The following CDK14 variants were observed in gnomAD, a reference collection of about 807,000 sequenced individuals.
CDK14 encodes cyclin dependent kinase 14.
In CDK14, 34 loss-of-function variants were observed where a neutral mutation model predicts 60.7. The ratio of observed to expected loss-of-function variants is 0.56; its 90% CI spans 0.43 to 0.75. The LOEUF (loss-of-function observed/expected upper bound fraction) is 0.75, where lower values mean the gene tolerates loss of function less well. CDK14 is among the 30% of genes least tolerant of loss of function. The probability of loss-of-function intolerance (pLI) is 0.00; values close to 1 mark genes in which losing one functional copy is unlikely to be tolerated. For synonymous variants in CDK14, 197 were observed against 203.7 expected, an observed-to-expected ratio of 0.97 and a Z score of 0.28; for missense variants, 482 against 564.1, an observed-to-expected ratio of 0.85 and a Z score of 1.47.
chr7:90,840,215 T>G (rs1350406094), intron 5 of CDK14, among the ~76,000 whole-genome samples: 2 of 152,210 alleles, frequency 1.3e-5, no homozygotes, highest in Non-Finnish European at 2.9e-5. Context: ...AAAGCCCTGT[T>G]TAATTTTAAA....
At chr7:90,788,626 G>A (rs17163207) in intron 4 of CDK14, among the ~76,000 whole-genome samples, 23,591 of 152,108 alleles carry the variant, frequency 0.16, 1,943 homozygotes, top group Middle Eastern at 0.25. Flanking sequence ...ATGTATTTCC[G>A]CAATCAGTTC....
chr7:90,685,455 T>G (rs1801412070), intron 2 of CDK14, among the ~76,000 whole-genome samples: 1 of 152,030 alleles, frequency 6.6e-6, no homozygotes, highest in African/African-American at 2.4e-5. Context: ...AGATTTTGAT[T>G]AGCCTGGCAT....
intron 8 of CDK14, among the ~76,000 whole-genome samples, chr7:90,948,352 A>G (rs2117537609): frequency 6.6e-6 from 1 of 152,370 alleles, no homozygotes; most frequent in Admixed American, 6.5e-5. Context: ...ATGATTTTGC[A>G]TTCTCTGCTA....
intron 8 of CDK14, among the ~76,000 whole-genome samples, chr7:90,921,399 TTCTAG>T (rs1208729527): frequency 6.6e-6 from 1 of 152,202 alleles, no homozygotes; most frequent in East Asian, 1.9e-4. Context: ...CATTATTATC[TTCTAG>T]TCTAATTTCT....
At chr7:90,703,906 C>T (rs912645615) in intron 2 of CDK14, among the ~76,000 whole-genome samples, 2 of 152,090 alleles carry the variant, frequency 1.3e-5, no homozygotes, top group African/African-American at 4.8e-5. Flanking sequence ...GGCAACATGG[C>T]AAAATCCTGT....
chr7:91,206,356 A>C (rs972588135), intron 14 of CDK14, among the ~76,000 whole-genome samples: 1 of 152,212 alleles, frequency 6.6e-6, no homozygotes, highest in Non-Finnish European at 1.5e-5. Flanking sequence ...AGTGACCAGC[A>C]GCTTCTAAAC....
chr7:91,024,058 C>A (rs1796502930), intron 10 of CDK14, among the ~76,000 whole-genome samples: 1 of 151,796 alleles, frequency 6.6e-6, no homozygotes, highest in Non-Finnish European at 1.5e-5. Flanking sequence ...CAGGCATGAG[C>A]CATCATACCC....
chr7:91,002,679 AG>A (rs1795874472), intron 10 of CDK14, among the ~76,000 whole-genome samples: 1 of 152,194 alleles, frequency 6.6e-6, no homozygotes, highest in African/African-American at 2.4e-5. Context: ...CCAAGGAGAA[AG>A]ATAGGAGGCA....
chr7:90,987,890 A>G (rs1367554776), intron 10 of CDK14, among the ~76,000 whole-genome samples: 1 of 152,280 alleles, frequency 6.6e-6, no homozygotes, highest in East Asian at 1.9e-4. Context: ...CCAAGGAGAT[A>G]ATCAACTTTG....
Position 91,207,951 on chromosome 7 carries a change from T to G in CDK14, c.*815T>G, listed in dbSNP as rs1447638018. On this transcript the variant is annotated 3_prime_UTR_variant, in exon 15 of 15. Coordinates refer to ENST00000380050, the MANE Select transcript of CDK14 (RefSeq NM_001287135.2). Reference sequence around the variant, plus strand: ...TGGGTCTTGTCAACATCTAATTTTTTTCCATCCATTCTGTTACACTTTGTA... The same window carrying G: ...TGGGTCTTGTCAACATCTAATTTTTGTCCATCCATTCTGTTACACTTTGTA... 6.6e-6 allele frequency: 1 copy of G among 152,656 alleles called. No homozygotes were observed. Among genetic ancestry groups the G allele is most frequent in the Non-Finnish European group, 1.5e-5 (1 of 68,042 alleles). The allele number at this position is 152,656 out of a possible 1,614,324, so 9.5% of individuals were successfully genotyped here. A position where few individuals can be genotyped will look rare whatever the true frequency, so the allele number is the denominator to read the frequency against.
intron 4 of CDK14, among the ~76,000 whole-genome samples, chr7:90,763,058 T>TG (rs1382180668): frequency 6.6e-6 from 1 of 152,138 alleles, no homozygotes; most frequent in African/African-American, 2.4e-5. Context: ...ATCATCAAGA[T>TG]TAAAGAGAGG....
intron 7 of CDK14, among the ~76,000 whole-genome samples, chr7:90,902,318 A>G (rs945655466): frequency 1.3e-5 from 2 of 152,082 alleles, no homozygotes; most frequent in African/African-American, 4.8e-5. Context: ...AAAGCTGGAT[A>G]CTTCATACTA....
intron 2 of CDK14, among the ~76,000 whole-genome samples, chr7:90,638,066 G>T (rs985855529): frequency 6.7e-6 from 1 of 150,044 alleles, no homozygotes; most frequent in Non-Finnish European, 1.5e-5. Flanking sequence ...CACACTGATG[G>T]GTCTGGACTC....
At chr7:90,748,873 A>G (rs1260694185) in intron 4 of CDK14, among the ~76,000 whole-genome samples, 3 of 152,164 alleles carry the variant, frequency 2.0e-5, no homozygotes, top group African/African-American at 7.2e-5. Context: ...ACAGGCATGA[A>G]CCACTGCACC....
At chr7:90,969,293 A>G (rs1794849995) in intron 9 of CDK14, among the ~76,000 whole-genome samples, 1 of 152,202 alleles carries the variant, frequency 6.6e-6, no homozygotes, top group South Asian at 2.1e-4. Context: ...AAGTCTAGCT[A>G]TGCCATTTGA....
intron 9 of CDK14, among the ~76,000 whole-genome samples, chr7:90,977,866 A>G (rs1188405036): frequency 3.3e-5 from 5 of 152,264 alleles, no homozygotes; most frequent in East Asian, 1.9e-4. Context: ...GAATAAGGTG[A>G]TGTCCACAAC....
intron 14 of CDK14, among the ~76,000 whole-genome samples, chr7:91,200,646 C>T (rs1181803853): frequency 6.6e-6 from 1 of 152,176 alleles, no homozygotes; most frequent in Non-Finnish European, 1.5e-5. Context: ...AAACATCTCC[C>T]CTACAACCAC....
intron 14 of CDK14, among the ~76,000 whole-genome samples, chr7:91,140,891 T>C (rs1221580331): frequency 6.6e-6 from 1 of 151,262 alleles, no homozygotes; most frequent in African/African-American, 2.5e-5. Context: ...TTTTTTGGTC[T>C]TTTTTTTCCA....
chr7:90,659,917 G>T (rs1384292261), intron 2 of CDK14, among the ~76,000 whole-genome samples: 1 of 151,158 alleles, frequency 6.6e-6, no homozygotes, highest in East Asian at 1.9e-4. Context: ...ACGTGCTCAT[G>T]GGTGCAGATT....
Sources: allele counts gnomAD v4.1 joint callset (sites outside exome capture counted in the v4.1 genomes callset), GRCh38; gene constraint gnomAD v4.1.1; transcripts MANE v1.5; gene names NCBI Gene and HGNC (gene_info 2026-07-23, HGNC 2026-07-21).